Variants in SLC13A1 observed in about 807,000 individuals in gnomAD.
SLC13A1 encodes the protein Na(+)/sulfate cotransporter.
In SLC13A1, 65 loss-of-function variants were observed where a neutral mutation model predicts 70.0. That is an observed-to-expected ratio of 0.93 (90% CI 0.76 to 1.14). SLC13A1 has a LOEUF of 1.14. Ranked by LOEUF, SLC13A1 falls within the 50% of genes most tolerant of loss-of-function variation. The pLI is 0.00. For missense variants in SLC13A1, 726 were observed against 717.8 expected, an observed-to-expected ratio of 1.01 and a Z score of -0.13; for synonymous variants, 275 against 250.5, an observed-to-expected ratio of 1.10 and a Z score of -0.92.
At chr7:123,190,674 G>A (rs773049856) in intron 1 of SLC13A1, 15 of 456,486 alleles carry the variant, frequency 3.3e-5, no homozygotes, top group African/African-American at 1.0e-4. Context: ...AATGAAAAAG[G>A]AGAAGCTGTT....
intron 1 of SLC13A1, among the ~76,000 whole-genome samples, chr7:123,186,007 T>G (rs1029127598): frequency 6.6e-5 from 10 of 152,078 alleles, no homozygotes; most frequent in African/African-American, 2.4e-4. Flanking sequence ...TTTTTCTTGG[T>G]CGTGCTTGGG....
At chr7:123,188,723 A>T (rs1025587618) in intron 1 of SLC13A1, among the ~76,000 whole-genome samples, 2 of 152,096 alleles carry the variant, frequency 1.3e-5, no homozygotes, top group Non-Finnish European at 2.9e-5. Context: ...TGTCTATGAA[A>T]TTAGCTTTAT....
At chr7:123,158,415 T>G (rs1794782961) in intron 6 of SLC13A1, among the ~76,000 whole-genome samples, 1 of 152,018 alleles carries the variant, frequency 6.6e-6, no homozygotes, top group African/African-American at 2.4e-5. Context: ...AGCTGGAATA[T>G]AAATCAGAAG....
rs183669799 is a variant in SLC13A1 at position 123,198,468 on chromosome 7, C to G, written c.99+1380G>C. Among the ~76,000 whole-genome samples, 611 of 152,060 alleles carry G rather than the reference C, an allele frequency of 4.0e-3. 4 individuals are homozygous for G. The highest frequency in any genetic ancestry group is 0.014 in the African/African-American group (579 of 41,500). Reference sequence around the variant, plus strand: ...GACCAAAAGGGGTGGGGAGTTTTTCCCTTCCCTCCATGTAGCTCTGTGAGA... The same window carrying G: ...GACCAAAAGGGGTGGGGAGTTTTTCGCTTCCCTCCATGTAGCTCTGTGAGA... On this transcript the variant is annotated intron_variant, in intron 1 of 14. Coordinates refer to ENST00000194130, the MANE Select transcript of SLC13A1 (RefSeq NM_022444.4).
chr7:123,180,951 T>G lies in SLC13A1; in HGVS notation c.228+22A>C, dbSNP rs776861160. On this transcript the variant is annotated intron_variant, in intron 2 of 14. Coordinates refer to ENST00000194130, the MANE Select transcript of SLC13A1 (RefSeq NM_022444.4). Reference sequence around the variant, plus strand: ...CAATACAAAACAGGAAATCAACTTATGACATTGGCAAGAGGACTTACCTTC... The same window carrying G: ...CAATACAAAACAGGAAATCAACTTAGGACATTGGCAAGAGGACTTACCTTC... 26 of 1,596,962 alleles carry G rather than the reference T, an allele frequency of 1.6e-5. No homozygotes were observed. The Admixed American group carries it at 2.1e-4, about 13-fold the overall frequency.
In SLC13A1 at chr7:123,115,598, A is replaced by G. The variant is rs1420375099; in HGVS notation, c.1708T>C (p.Cys570Arg). ...TCAAACATGGGTACAATCCAAGTAC[A>G]TATGCCAAGCATAACCACAGCAACA... The part of the protein sequence containing the change: ...VGVAVVMLGI[C>R]TWIVPMFDLY... Residue 570 changes from cysteine to arginine, a missense_variant, in exon 15 of 15, where the codon TGT (cysteine) becomes CGT (arginine). Coordinates refer to ENST00000194130, the MANE Select transcript of SLC13A1 (RefSeq NM_022444.4). 2 of 1,613,850 alleles carry G rather than the reference A, an allele frequency of 1.2e-6. No homozygotes were observed. Among genetic ancestry groups the G allele is most frequent in the Non-Finnish European group, 1.7e-6 (2 of 1,179,846 alleles).
intron 1 of SLC13A1, among the ~76,000 whole-genome samples, chr7:123,193,648 T>C (rs1796073553): frequency 6.6e-6 from 1 of 152,126 alleles, no homozygotes; most frequent in African/African-American, 2.4e-5. Context: ...GTCAGACAGA[T>C]TTGTGTTTAA....
chr7:123,146,106 T>C (rs1192374060), intron 7 of SLC13A1, among the ~76,000 whole-genome samples: 1 of 152,222 alleles, frequency 6.6e-6, no homozygotes, highest in Non-Finnish European at 1.5e-5. Context: ...CAATGATACT[T>C]ACATAGCGCA....
Position 123,119,243 on chromosome 7 carries a change from C to A in SLC13A1, c.1351-1G>T. On this transcript the variant is annotated splice_acceptor_variant, in intron 12 of 14. Transcript: ENST00000194130. LOFTEE classifies it high-confidence loss of function. ...CTATCCACTTAGATAATCCAGACTC[C>A]TAAAAAACAAATTTGCAATATTTGT... is the stretch of plus-strand genomic sequence containing the variant. The A allele has an allele frequency of 6.3e-7, 1 of 1,579,638 alleles. No homozygotes were observed. Among genetic ancestry groups the A allele is most frequent in the Non-Finnish European group, 8.6e-7 (1 of 1,162,174 alleles).
intron 2 of SLC13A1, among the ~76,000 whole-genome samples, chr7:123,176,963 A>G (rs1795466942): frequency 2.0e-5 from 3 of 152,232 alleles, no homozygotes; most frequent in South Asian, 4.2e-4. Context: ...AATACCATCT[A>G]TATTTTGATG....
intron 2 of SLC13A1, among the ~76,000 whole-genome samples, chr7:123,174,515 C>T (rs979239642): frequency 6.6e-6 from 1 of 151,994 alleles, no homozygotes; most frequent in Admixed American, 6.6e-5. Context: ...AAATTTGTCC[C>T]TTTTTCTCTG....
chr7:123,186,658 T>G, intron 1 of SLC13A1: 1 of 445,116 alleles, frequency 2.2e-6, no homozygotes, highest in Non-Finnish European at 4.5e-6. Context: ...AGTTGTCAAT[T>G]AAGAGTATGA....
intron 1 of SLC13A1, among the ~76,000 whole-genome samples, chr7:123,183,231 G>C (rs1430454199): frequency 6.6e-6 from 1 of 152,114 alleles, no homozygotes; most frequent in African/African-American, 2.4e-5. Flanking sequence ...CTATATATTT[G>C]ATTCACAGTG....
chr7:123,193,422 A>G (rs1228764700), intron 1 of SLC13A1, among the ~76,000 whole-genome samples: 1 of 152,172 alleles, frequency 6.6e-6, no homozygotes, highest in Non-Finnish European at 1.5e-5. Flanking sequence ...AAGTTCCAAA[A>G]TCTCAGCAGT....
At chr7:123,146,193 A>G (rs542514291) in intron 7 of SLC13A1, among the ~76,000 whole-genome samples, 2 of 152,298 alleles carry the variant, frequency 1.3e-5, no homozygotes, top group Admixed American at 6.5e-5. Context: ...ATATGAAAAA[A>G]TTAAGTCTTG....
At position 123,117,573 on chromosome 7, in the gene SLC13A1, C is replaced by T; in HGVS notation, c.1548G>A (p.Leu516=). 1 of 1,609,058 alleles carries T rather than the reference C, an allele frequency of 6.2e-7. No individual in the cohort carries two copies. The highest frequency in any genetic ancestry group is 8.5e-7 in the Non-Finnish European group (1 of 1,177,226). ...ATGAAGTACACAGAGTAGAAGGTAT[C>T]AGAATATAAAGAGGGTTCACATGAA... is the stretch of plus-strand genomic sequence containing the variant. ...EAIHVNPLYI[L]IPSTLCTSFA... Residue 516 remains leucine (L), a synonymous_variant, in exon 14 of 15, where the codon CTG becomes CTA. Coordinates refer to ENST00000194130, the MANE Select transcript of SLC13A1 (RefSeq NM_022444.4).
intron 7 of SLC13A1, among the ~76,000 whole-genome samples, chr7:123,145,008 A>C (rs1254890147): frequency 2.0e-5 from 3 of 152,180 alleles, no homozygotes; most frequent in African/African-American, 7.2e-5. Flanking sequence ...CTCTGAGATA[A>C]AGCTACTTTT....
rs951993378 is a variant in SLC13A1, at chr7:123,199,877, G to A, written c.70C>T (p.Leu24=). ...LFVVFTVLVL[L]PLPIVLHTKE... is the part of the protein sequence containing the mutation. The stretch of plus-strand genomic sequence containing the variant: ...GTGTGGAGGACGATGGGCAGAGGTA[G>A]TAAAACCAACACAGTGAAAACCACG... Residue 24 remains leucine (L), a synonymous_variant, in exon 1 of 15, where the codon CTA becomes TTA. Transcript: ENST00000194130. 4.3e-6 allele frequency: 7 copies of A among 1,612,736 alleles called. No homozygotes were observed. The African/African-American group carries it at 9.4e-5, about 22-fold the overall frequency.
intron 6 of SLC13A1, among the ~76,000 whole-genome samples, chr7:123,157,584 G>A (rs913976002): frequency 1.7e-4 from 26 of 152,016 alleles, no homozygotes; most frequent in African/African-American, 6.3e-4. Flanking sequence ...GTGTATGTGT[G>A]TTTGTGTGTG....
Sources: allele counts gnomAD v4.1 joint callset (sites outside exome capture counted in the v4.1 genomes callset), GRCh38; gene constraint gnomAD v4.1.1; transcripts MANE v1.5; gene names NCBI Gene and HGNC (gene_info 2026-07-23, HGNC 2026-07-21).